PEBP4: variants seen among roughly 807,000 people sequenced by gnomAD.
The protein encoded by PEBP4 is phosphatidylethanolamine-binding protein 4.
In PEBP4, 22 loss-of-function variants were observed where a neutral mutation model predicts 23.9. The ratio of observed to expected loss-of-function variants is 0.92; its 90% confidence interval spans 0.66 to 1.31. The LOEUF (loss-of-function observed/expected upper bound fraction) is 1.31. Ranked by LOEUF, PEBP4 falls within the 40% of genes most tolerant of loss-of-function variation. The pLI is 0.00. For missense variants in PEBP4, 324 were observed against 281.7 expected, an observed-to-expected ratio of 1.15 and a Z score of -1.07; for synonymous variants, 112 against 99.3, an observed-to-expected ratio of 1.13 and a Z score of -0.76.
chr8:22,830,076 C>T (rs552490978), intron 3 of PEBP4, among the ~76,000 whole-genome samples: 2 of 151,834 alleles, frequency 1.3e-5, no homozygotes, highest in South Asian at 4.2e-4. Flanking sequence ...CTTCCTCAAG[C>T]CTTGTTTTCC....
intron 4 of PEBP4, among the ~76,000 whole-genome samples, chr8:22,734,548 ATCT>A (rs1382402919): frequency 6.6e-6 from 1 of 152,244 alleles, no homozygotes; most frequent in East Asian, 1.9e-4. Context: ...GGTGAATATC[ATCT>A]TAGGAGATGC....
At chr8:22,787,122 C>T (rs1005699475) in intron 4 of PEBP4, among the ~76,000 whole-genome samples, 3 of 152,230 alleles carry the variant, frequency 2.0e-5, no homozygotes, top group African/African-American at 4.8e-5. Context: ...CTGTGCCCAG[C>T]TAAGGGCTGG....
rs962439637 is a variant in PEBP4 at position 22,800,677 on chromosome 8, G to A, written c.357+16960C>T. ...CTCAGGACGATTCCTCAGAGCCTCC[G>A]GGATAAAAGTATTGGTTTATTCCCT... is the stretch of plus-strand genomic sequence containing the variant. On this transcript the variant is annotated intron_variant, in intron 4 of 6. Coordinates refer to ENST00000256404, the MANE Select transcript of PEBP4 (RefSeq NM_144962.3). Among the ~76,000 whole-genome samples the A allele has an allele frequency of 4.6e-5, 7 of 152,206 alleles. No individual in the cohort carries two copies. In the East Asian group the frequency reaches 9.7e-4, roughly 21 times the overall value.
intron 4 of PEBP4, among the ~76,000 whole-genome samples, chr8:22,773,253 G>T (rs983981480): frequency 3.9e-5 from 6 of 152,114 alleles, no homozygotes; most frequent in African/African-American, 1.4e-4. Flanking sequence ...ATGTCCTATC[G>T]CAGCACAAAA....
chr8:22,780,795 C>A (rs1296699120), intron 4 of PEBP4, among the ~76,000 whole-genome samples: 1 of 152,176 alleles, frequency 6.6e-6, no homozygotes, highest in Middle Eastern at 3.2e-3. Context: ...TAGGTCTTCC[C>A]TTCTGTAAAA....
At chr8:22,746,973 G>A (rs1376186261) in intron 4 of PEBP4, among the ~76,000 whole-genome samples, 2 of 152,136 alleles carry the variant, frequency 1.3e-5, no homozygotes, top group African/African-American at 2.4e-5. Context: ...CTATGGGCAT[G>A]TACCACCACA....
intron 6 of PEBP4, among the ~76,000 whole-genome samples, chr8:22,724,616 G>A (rs1804585647): frequency 6.6e-6 from 1 of 152,182 alleles, no homozygotes; most frequent in Admixed American, 6.5e-5. Context: ...CCCAACTGGA[G>A]CCTCTACACT....
intron 2 of PEBP4, among the ~76,000 whole-genome samples, chr8:22,920,609 TTA>T (rs1563261935): frequency 6.6e-6 from 1 of 152,230 alleles, no homozygotes; most frequent in Non-Finnish European, 1.5e-5. Context: ...ATAATATTAA[TTA>T]TCATCAGCCT....
At chr8:22,832,267 G>A (rs758885568) in intron 3 of PEBP4, among the ~76,000 whole-genome samples, 13 of 152,154 alleles carry the variant, frequency 8.5e-5, no homozygotes, top group Admixed American at 2.0e-4. Context: ...GGGCCTCTGG[G>A]AGGTAGTGAT....
intron 2 of PEBP4, among the ~76,000 whole-genome samples, chr8:22,927,081 C>T (rs1809353299): frequency 6.6e-6 from 1 of 152,210 alleles, no homozygotes; most frequent in African/African-American, 2.4e-5. Flanking sequence ...AGCCTCGTCA[C>T]CCAACTCCAT....
chr8:22,748,733 C>T (rs903091256), intron 4 of PEBP4, among the ~76,000 whole-genome samples: 4 of 152,080 alleles, frequency 2.6e-5, no homozygotes, highest in African/African-American at 9.6e-5. Context: ...GCAAGAGCAT[C>T]CCAGAAAAAT....
chr8:22,721,066 C>G (rs1034100352), intron 6 of PEBP4, among the ~76,000 whole-genome samples: 4 of 152,132 alleles, frequency 2.6e-5, no homozygotes, highest in Middle Eastern at 3.4e-3. Flanking sequence ...TAGCTCTAAG[C>G]CCCTCCACGA....
At chr8:22,819,144 A>G (rs1806806593) in intron 3 of PEBP4, among the ~76,000 whole-genome samples, 1 of 151,638 alleles carries the variant, frequency 6.6e-6, no homozygotes. Context: ...GAGCAGACAC[A>G]GAGAAGAAAA....
At chr8:22,906,410 A>G (rs1260105351) in intron 3 of PEBP4, among the ~76,000 whole-genome samples, 1 of 152,232 alleles carries the variant, frequency 6.6e-6, no homozygotes, top group Admixed American at 6.5e-5. Context: ...TACTATCTGC[A>G]TAGCCATGTG....
chr8:22,765,462 G>A (rs1310170475), intron 4 of PEBP4, among the ~76,000 whole-genome samples: 1 of 152,164 alleles, frequency 6.6e-6, no homozygotes, highest in African/African-American at 2.4e-5. Flanking sequence ...CAGTTTCTTA[G>A]AAACACCTTC....
chr8:22,869,010 C>G (rs1807957773), intron 3 of PEBP4, among the ~76,000 whole-genome samples: 1 of 152,198 alleles, frequency 6.6e-6, no homozygotes, highest in Non-Finnish European at 1.5e-5. Flanking sequence ...CCAAAATCAT[C>G]CTACATCTTT....
chr8:22,746,667 T>C (rs989207682), intron 4 of PEBP4, among the ~76,000 whole-genome samples: 8 of 151,784 alleles, frequency 5.3e-5, no homozygotes, highest in African/African-American at 1.9e-4. Context: ...CTTCCCTCTT[T>C]CCTTCACAGA....
At chr8:22,883,563 A>G (rs1177360242) in intron 3 of PEBP4, among the ~76,000 whole-genome samples, 1 of 151,828 alleles carries the variant, frequency 6.6e-6, no homozygotes, top group African/African-American at 2.4e-5. Context: ...TTCCTTCGAC[A>G]GAAAAATTTG....
chr8:22,847,100 C>T (rs1468530736), intron 3 of PEBP4, among the ~76,000 whole-genome samples: 1 of 152,124 alleles, frequency 6.6e-6, no homozygotes, highest in Non-Finnish European at 1.5e-5. Context: ...CAATCCACAC[C>T]CCCAAAACAA....
Sources: gnomAD v4.1 joint callset for allele counts (sites outside exome capture counted in the v4.1 genomes callset) on GRCh38, gnomAD v4.1.1 for gene constraint, MANE v1.5 for transcripts, NCBI Gene and HGNC (gene_info 2026-07-23, HGNC 2026-07-21) for gene names.